The following CAPN13 variants were observed in gnomAD, a reference collection of about 807,000 sequenced individuals.
CAPN13 encodes the protein calpain 13.
Under a neutral mutation model 98.4 loss-of-function variants are expected in CAPN13, and 90 were observed. The observed-to-expected ratio is 0.92, with a 90% CI of 0.77 to 1.09. The LOEUF (loss-of-function observed/expected upper bound fraction) is 1.09. Ranked by LOEUF, CAPN13 falls within the 50% of genes least tolerant of loss-of-function variation. The pLI, the probability that CAPN13 is intolerant of heterozygous loss-of-function variation, is 0.00. For missense variants in CAPN13, 887 were observed against 841.3 expected (o/e 1.05, Z -0.67); for synonymous variants, 330 against 305.5 (o/e 1.08, Z -0.84).
chr2:30,728,930 G>T (rs1315486340), intron 22 of CAPN13, among the ~76,000 whole-genome samples: 2 of 152,204 alleles, frequency 1.3e-5, no homozygotes, highest in African/African-American at 4.8e-5. Context: ...ATGAAATTTG[G>T]TTGCAATGAG....
At chr2:30,741,441 T>A (rs1293762774) in intron 15 of CAPN13, 1 of 998,716 alleles carries the variant, frequency 1.0e-6, no homozygotes, top group Non-Finnish European at 1.2e-6. Context: ...CAAGGAGTTC[T>A]TTATAACAGT....
intron 20 of CAPN13, among the ~76,000 whole-genome samples, chr2:30,731,762 T>C (rs941783637): frequency 6.6e-6 from 1 of 152,196 alleles, no homozygotes. Flanking sequence ...AACCGAGAAC[T>C]GTGTGGGGGC....
In CAPN13 at chr2:30,745,706, A is replaced by G. The variant is rs1283396563; in HGVS notation, c.1248+17T>C. 1.3e-6 allele frequency: 2 copies of G among 1,596,540 alleles called. No homozygotes were observed. The highest frequency in any genetic ancestry group is 1.7e-6 in the Non-Finnish European group (2 of 1,179,016). On this transcript the variant is annotated intron_variant, in intron 12 of 22. Coordinates refer to ENST00000295055, the MANE Select transcript of CAPN13 (RefSeq NM_144575.3). Reference sequence around the variant, plus strand: ...ACAGCAGCAGAGGCGCAGGGCAAGGACGACGCTGAGCCATACCTGTGAGCC... The same window carrying G: ...ACAGCAGCAGAGGCGCAGGGCAAGGGCGACGCTGAGCCATACCTGTGAGCC...
At chr2:30,804,493 C>A (rs1675487576) in intron 1 of CAPN13, among the ~76,000 whole-genome samples, 1 of 152,054 alleles carries the variant, frequency 6.6e-6, no homozygotes, top group South Asian at 2.1e-4. Flanking sequence ...GTGAACAGAG[C>A]CTTTTTAAGT....
intron 2 of CAPN13, among the ~76,000 whole-genome samples, chr2:30,781,720 G>T (rs1353445073): frequency 2.6e-5 from 4 of 152,116 alleles, no homozygotes; most frequent in African/African-American, 9.7e-5. Flanking sequence ...TCTCCAGATT[G>T]CAGGTGGCAT....
Position 30,756,191 on chromosome 2 carries a change from A to G in CAPN13, c.867-1827T>C, listed in dbSNP as rs146196585. ...TTATGCCCATGCCTGCAGGGGATAA[A>G]TCCAGACTTCCGGCATCAGGCTGTC... On this transcript the variant is annotated intron_variant, in intron 8 of 22. Transcript: ENST00000295055. Among the ~76,000 whole-genome samples the G allele has an allele frequency of 5.8e-3, 881 of 152,186 alleles. 8 individuals are homozygous for G. Among genetic ancestry groups the G allele is most frequent in the African/African-American group, 0.02 (817 of 41,524 alleles).
At chr2:30,736,773 A>T (rs758113323) in intron 17 of CAPN13, 15 of 588,766 alleles carry the variant, frequency 2.5e-5, no homozygotes, top group Non-Finnish European at 3.0e-5. Flanking sequence ...AAAATGGGCA[A>T]TTGGAAGAAG....
chr2:30,744,687 C>A (rs1184693537), intron 12 of CAPN13, among the ~76,000 whole-genome samples: 1 of 152,174 alleles, frequency 6.6e-6, no homozygotes, highest in Admixed American at 6.5e-5. Context: ...TCCTTCAGAA[C>A]AGACTTGCTC....
intron 8 of CAPN13, among the ~76,000 whole-genome samples, chr2:30,756,218 TG>T (rs1672437337): frequency 6.6e-6 from 1 of 152,136 alleles, no homozygotes; most frequent in South Asian, 2.1e-4. Context: ...CAGGCTGTCC[TG>T]TGTCAGCTCC....
At chr2:30,759,040 CTCCTTCCTTCCT>C (rs200308561) in intron 7 of CAPN13, among the ~76,000 whole-genome samples, 2 of 53,090 alleles carry the variant, frequency 3.8e-5, no homozygotes, top group East Asian at 5.0e-4. Flanking sequence ...CCCTCCCTCC[CTCCTTCCTTCCT>C]TCCCTCCCTC....
At chr2:30,757,616 A>G (rs1672521098) in intron 8 of CAPN13, among the ~76,000 whole-genome samples, 1 of 152,238 alleles carries the variant, frequency 6.6e-6, no homozygotes, top group South Asian at 2.1e-4. Flanking sequence ...TGACATGCTC[A>G]GGATCAGAAT....
At chr2:30,734,283 C>A (rs999080695) in intron 19 of CAPN13, among the ~76,000 whole-genome samples, 166 bp downstream of exon 19, 1 of 152,134 alleles carries the variant, frequency 6.6e-6, no homozygotes, top group African/African-American at 2.4e-5. Flanking sequence ...GAGTCTGCAA[C>A]CGTGGAGGCC....
At chr2:30,787,017 T>G in intron 2 of CAPN13, 111 bp downstream of exon 2, 1 of 798,074 alleles carries the variant, frequency 1.3e-6, no homozygotes, top group Non-Finnish European at 2.0e-6. Flanking sequence ...ACCTGGTGAA[T>G]TTCATTCTCC....
intron 5 of CAPN13, among the ~76,000 whole-genome samples, chr2:30,767,295 T>G (rs780617272): frequency 8.5e-5 from 13 of 152,178 alleles, no homozygotes; most frequent in Non-Finnish European, 1.5e-4. Flanking sequence ...TTTTGGATAG[T>G]GAGGGGTGGG....
chr2:30,766,655 C>A (rs1230147109), intron 5 of CAPN13, among the ~76,000 whole-genome samples: 4 of 152,128 alleles, frequency 2.6e-5, no homozygotes, highest in Non-Finnish European at 5.9e-5. Flanking sequence ...TCTGCTTCAG[C>A]CTCATTTGGG....
chr2:30,732,646 G>A (rs1327382314), intron 19 of CAPN13, 80 bp from the exon 20 acceptor site: 13 of 1,519,278 alleles, frequency 8.6e-6, no homozygotes, highest in Non-Finnish European at 1.1e-5. Flanking sequence ...TGAGACACCT[G>A]TTCAGAGGGC....
chr2:30,761,531 T>C (rs890469647), intron 7 of CAPN13, among the ~76,000 whole-genome samples: 1 of 152,174 alleles, frequency 6.6e-6, no homozygotes, highest in Non-Finnish European at 1.5e-5. Context: ...TCTGGACCTC[T>C]GGGTACACGA....
chr2:30,780,032 A>G (rs1366378286), intron 2 of CAPN13, among the ~76,000 whole-genome samples: 1 of 152,212 alleles, frequency 6.6e-6, no homozygotes, highest in Admixed American at 6.5e-5. Flanking sequence ...CCAATCAATT[A>G]AAAAATCTGA....
intron 1 of CAPN13, among the ~76,000 whole-genome samples, chr2:30,796,792 G>A (rs958875288): frequency 2.6e-5 from 4 of 152,132 alleles, no homozygotes; most frequent in African/African-American, 9.7e-5. Context: ...TATTTAAAAT[G>A]AGACAAAACT....
Sources: allele counts gnomAD v4.1 joint callset (sites outside exome capture counted in the v4.1 genomes callset), GRCh38; gene constraint gnomAD v4.1.1; transcripts MANE v1.5; gene names NCBI Gene and HGNC (gene_info 2026-07-23, HGNC 2026-07-21).